Variants in PIK3CB observed in about 807,000 individuals in gnomAD.
The protein encoded by PIK3CB is phosphatidylinositol 4,5-bisphosphate 3-kinase catalytic subunit beta isoform.
Under a neutral mutation model 136.8 loss-of-function variants are expected in PIK3CB, and 39 were observed. The ratio of observed to expected loss-of-function variants is 0.29; its 90% CI spans 0.22 to 0.37. The LOEUF is 0.37. Among genes scored for constraint, PIK3CB ranks in the 10% least tolerant of loss-of-function variants. The probability of loss-of-function intolerance (pLI) is 1.00; values close to 1 mark genes in which losing one functional copy is unlikely to be tolerated. For missense variants in PIK3CB, 868 were observed against 1,275.4 expected (o/e 0.68, Z 4.87); for synonymous variants, 428 against 436.6 (o/e 0.98, Z 0.25).
chr3:138,806,363 G>A (rs1335263711), intron 1 of PIK3CB, among the ~76,000 whole-genome samples: 1 of 152,118 alleles, frequency 6.6e-6, no homozygotes, highest in Non-Finnish European at 1.5e-5. Context: ...ATGCACGCTT[G>A]TAGTCCCAGC....
At chr3:138,769,403 TA>T (rs1314015331) in intron 2 of PIK3CB, among the ~76,000 whole-genome samples, 1 of 152,218 alleles carries the variant, frequency 6.6e-6, no homozygotes, top group Non-Finnish European at 1.5e-5. Flanking sequence ...AAAGAAGCTC[TA>T]AGTCAAGAAA....
chr3:138,751,105 A>G (rs1181594475), intron 4 of PIK3CB, among the ~76,000 whole-genome samples: 1 of 152,216 alleles, frequency 6.6e-6, no homozygotes, highest in Non-Finnish European at 1.5e-5. Context: ...CTCTGAGCAT[A>G]TTCATTTTAA....
intron 4 of PIK3CB, among the ~76,000 whole-genome samples, chr3:138,754,506 TAGAA>T: frequency 6.6e-6 from 1 of 152,142 alleles, no homozygotes; most frequent in Admixed American, 6.5e-5. Context: ...CTCTAGAAAA[TAGAA>T]AGGCATGCTT....
At chr3:138,783,236 G>A (rs927119574) in intron 2 of PIK3CB, among the ~76,000 whole-genome samples, 2 of 151,828 alleles carry the variant, frequency 1.3e-5, no homozygotes, top group Non-Finnish European at 2.9e-5. Flanking sequence ...AACAAATGTA[G>A]AGGTTAAAAC....
chr3:138,689,001 A>G (rs2043953840), intron 15 of PIK3CB, 27 bp from the exon 16 acceptor site: 1 of 1,391,586 alleles, frequency 7.2e-7, no homozygotes, highest in Non-Finnish European at 1.0e-6. Context: ...ATATCTGAAC[A>G]GTTTGTTTAT....
intron 1 of PIK3CB, among the ~76,000 whole-genome samples, chr3:138,813,098 A>C (rs1933149312): frequency 6.6e-6 from 1 of 152,102 alleles, no homozygotes; most frequent in Non-Finnish European, 1.5e-5. Context: ...CTGCATGTGA[A>C]TCTACAATTA....
chr3:138,720,453 T>C (rs918376541), intron 8 of PIK3CB, among the ~76,000 whole-genome samples: 1 of 152,182 alleles, frequency 6.6e-6, no homozygotes, highest in African/African-American at 2.4e-5. Flanking sequence ...TGCAAGTGCC[T>C]CTCTCCCATC....
chr3:138,801,024 A>C (rs772405639), intron 1 of PIK3CB, among the ~76,000 whole-genome samples: 86 of 151,820 alleles, frequency 5.7e-4, no homozygotes, highest in Middle Eastern at 3.4e-3. Context: ...TTTTTTAAAA[A>C]CCCCCATGTC....
At chr3:138,716,893 CAAAAAAAAA>C (rs376627250) in intron 8 of PIK3CB, among the ~76,000 whole-genome samples, 259 of 11,068 alleles carry the variant, frequency 0.023, 3 homozygotes, top group African/African-American at 0.059. Flanking sequence ...GATTGTGTCT[CAAAAAAAAA>C]AAAAAAAAAA....
At chr3:138,817,076 C>T (rs1416875259) in intron 1 of PIK3CB, among the ~76,000 whole-genome samples, 5 of 152,046 alleles carry the variant, frequency 3.3e-5, no homozygotes, top group Admixed American at 2.0e-4. Flanking sequence ...CGGTGGCTCA[C>T]GCCTGGAATC....
At chr3:138,674,972 C>T (rs1178065571) in intron 19 of PIK3CB, among the ~76,000 whole-genome samples, 2 of 152,002 alleles carry the variant, frequency 1.3e-5, no homozygotes, top group Non-Finnish European at 2.9e-5. Flanking sequence ...GGTGGAGAAT[C>T]GTTTGAACCT....
At chr3:138,815,132 TCC>T (rs1933248668) in intron 1 of PIK3CB, among the ~76,000 whole-genome samples, 1 of 74,888 alleles carries the variant, frequency 1.3e-5, no homozygotes, top group Admixed American at 2.1e-4. Flanking sequence ...AGAGCGAGAC[TCC>T]GTCTCAAAAA....
At chr3:138,831,491 C>T (rs1035828524) in intron 1 of PIK3CB, among the ~76,000 whole-genome samples, 18 of 151,776 alleles carry the variant, frequency 1.2e-4, no homozygotes, top group African/African-American at 4.1e-4. Flanking sequence ...GAGGCTGAGG[C>T]AGAAGAATTG....
intron 18 of PIK3CB, 51 bp downstream of exon 18, chr3:138,683,627 C>G (rs762781499): frequency 8.1e-6 from 8 of 993,266 alleles, no homozygotes; most frequent in Non-Finnish European, 1.3e-5. Context: ...AGCAAAATGG[C>G]AACAAATGAA....
chr3:138,671,604 A>G (rs2043534490), intron 19 of PIK3CB, among the ~76,000 whole-genome samples: 2 of 152,256 alleles, frequency 1.3e-5, no homozygotes, highest in Admixed American at 1.3e-4. Flanking sequence ...CACCAAAAAC[A>G]GTCACGGACT....
chr3:138,832,501 G>A (rs1343019203), intron 1 of PIK3CB, among the ~76,000 whole-genome samples: 1 of 151,608 alleles, frequency 6.6e-6, no homozygotes, highest in Non-Finnish European at 1.5e-5. Flanking sequence ...AGACCAGCCT[G>A]GCCAACATGG....
intron 21 of PIK3CB, among the ~76,000 whole-genome samples, chr3:138,663,021 A>AT (rs1307691880): frequency 6.6e-6 from 1 of 152,160 alleles, no homozygotes. Context: ...TGTCTAAAAC[A>AT]CTAAAAGCAA....
intron 1 of PIK3CB, among the ~76,000 whole-genome samples, chr3:138,810,845 G>A (rs907426269): frequency 2.0e-5 from 3 of 151,946 alleles, no homozygotes; most frequent in Admixed American, 6.6e-5. Context: ...GCATGAACCC[G>A]GGAAGCGGAG....
At chr3:138,768,098 T>A (rs970681019) in intron 2 of PIK3CB, among the ~76,000 whole-genome samples, 5 of 152,128 alleles carry the variant, frequency 3.3e-5, no homozygotes, top group African/African-American at 1.2e-4. Flanking sequence ...GTAGCTCTTC[T>A]CTGAAGGCAG....
Sources: gnomAD v4.1 joint callset for allele counts (sites outside exome capture counted in the v4.1 genomes callset) on GRCh38, gnomAD v4.1.1 for gene constraint, MANE v1.5 for transcripts, NCBI Gene and HGNC (gene_info 2026-07-23, HGNC 2026-07-21) for gene names.